The following EYS variants were observed in gnomAD, a reference collection of about 807,000 sequenced individuals.
The protein encoded by EYS is EGF-like photoreceptor maintenance factor, also known as protein eyes shut homolog.
EYS carries 250 observed loss-of-function variants against 282.1 expected under a neutral mutation model. That is an observed-to-expected ratio of 0.89 (90% CI 0.80 to 0.98). The LOEUF is 0.98. Ranked by LOEUF, EYS falls within the 50% of genes least tolerant of loss-of-function variation. The pLI is 0.00. For synonymous variants in EYS, 1,355 were observed against 1,282.9 expected, an observed-to-expected ratio of 1.06 and a Z score of -1.20; for missense variants, 4,016 against 3,709.0, an observed-to-expected ratio of 1.08 and a Z score of -2.15.
intron 34 of EYS, among the ~76,000 whole-genome samples, chr6:63,985,924 T>A (rs1468572810): frequency 4.0e-5 from 6 of 151,780 alleles, no homozygotes; most frequent in Non-Finnish European, 7.4e-5. Flanking sequence ...AATTGACTAG[T>A]GGGATCTAAT....
intron 32 of EYS, among the ~76,000 whole-genome samples, chr6:64,070,827 C>A (rs757372870): frequency 6.6e-6 from 1 of 152,098 alleles, no homozygotes; most frequent in Admixed American, 6.6e-5. Context: ...AATACAATGA[C>A]CGCTAGTACG....
chr6:64,775,103 G>T (rs967049835), intron 22 of EYS, among the ~76,000 whole-genome samples: 1 of 151,898 alleles, frequency 6.6e-6, no homozygotes, highest in African/African-American at 2.4e-5. Context: ...ACAGCAGGAG[G>T]GGGTAACTGC....
At chr6:63,827,747 G>A (rs572498621) in intron 36 of EYS, among the ~76,000 whole-genome samples, 1 of 151,428 alleles carries the variant, frequency 6.6e-6, no homozygotes, top group East Asian at 2.0e-4. Context: ...GGGAGGCTGA[G>A]GCAGGAGAAT....
At chr6:63,976,015 C>T (rs981809479) in intron 35 of EYS, among the ~76,000 whole-genome samples, 1 of 151,970 alleles carries the variant, frequency 6.6e-6, no homozygotes, top group Non-Finnish European at 1.5e-5. Context: ...AGTACCAAAG[C>T]ATGTTCTGAA....
At chr6:64,788,277 T>C (rs931879826) in intron 22 of EYS, among the ~76,000 whole-genome samples, 1 of 152,090 alleles carries the variant, frequency 6.6e-6, no homozygotes, top group Non-Finnish European at 1.5e-5. Context: ...TTTCTTTCCC[T>C]GAGGTGGGGG....
At chr6:64,758,100 A>G (rs560765449) in intron 22 of EYS, among the ~76,000 whole-genome samples, 1 of 151,852 alleles carries the variant, frequency 6.6e-6, no homozygotes, top group Non-Finnish European at 1.5e-5. Context: ...TAACACGTCA[A>G]ACACAGACAT....
At chr6:65,314,261 T>C (rs1270718371) in intron 11 of EYS, among the ~76,000 whole-genome samples, 2 of 150,432 alleles carry the variant, frequency 1.3e-5, no homozygotes, top group African/African-American at 2.5e-5. Context: ...ATCCTTGTTT[T>C]GATTTTTCTC....
intron 35 of EYS, among the ~76,000 whole-genome samples, chr6:63,983,251 T>C (rs1478097450): frequency 3.3e-5 from 5 of 151,824 alleles, no homozygotes; most frequent in Non-Finnish European, 7.4e-5. Flanking sequence ...GTAAGTCAGA[T>C]ACTTACACAG....
At chr6:63,751,296 T>C (rs1282372748) in intron 41 of EYS, among the ~76,000 whole-genome samples, 1 of 152,230 alleles carries the variant, frequency 6.6e-6, no homozygotes, top group Admixed American at 6.5e-5. Flanking sequence ...TAAAATACTT[T>C]CATTTCATTT....
intron 2 of EYS, among the ~76,000 whole-genome samples, chr6:65,539,959 C>T (rs1451494040): frequency 6.6e-6 from 1 of 152,170 alleles, no homozygotes; most frequent in Non-Finnish European, 1.5e-5. Flanking sequence ...CACTATAGCA[C>T]GCAGCCATCT....
In EYS at chr6:64,638,284, C is replaced by T. The variant is rs1023250842; in HGVS notation, c.3444-12039G>A. Among the ~76,000 whole-genome samples, 6 of 91,578 alleles carry T rather than the reference C, an allele frequency of 6.6e-5. 2 individuals are homozygous for T. The highest frequency in any genetic ancestry group is 1.4e-4 in the Non-Finnish European group (6 of 42,244). The allele number at this position is 91,578 out of a possible 152,430, so 60.1% of individuals were successfully genotyped here. ...AAACTTTAAACAGAACTAGCTTATTCCTGAAAGTGTTTAGTTATAGGTAGA... is the reference window on the plus strand; with the variant it reads ...AAACTTTAAACAGAACTAGCTTATTTCTGAAAGTGTTTAGTTATAGGTAGA... On this transcript the variant is annotated intron_variant, in intron 22 of 42. Transcript: ENST00000503581.
rs1376393503 is a variant in EYS at position 65,442,854 on chromosome 6, A to G, written c.863-37487T>C. Among the ~76,000 whole-genome samples the G allele has an allele frequency of 1.3e-5, 2 of 151,496 alleles. 1 individual carries two copies. Among genetic ancestry groups the G allele is most frequent in the Non-Finnish European group, 2.9e-5 (2 of 67,818 alleles). On this transcript the variant is annotated intron_variant, in intron 5 of 42. Transcript: ENST00000503581. ...TATATACATACATATACACATACATATGTACATATATACATACATATACAC... is the reference window on the plus strand; with the variant it reads ...TATATACATACATATACACATACATGTGTACATATATACATACATATACAC...
chr6:65,657,505 G>A (rs749675459), intron 1 of EYS, among the ~76,000 whole-genome samples: 6 of 151,888 alleles, frequency 4.0e-5, no homozygotes, highest in Non-Finnish European at 8.8e-5. Context: ...GGGAGTAACT[G>A]CAGATGTGGT....
chr6:64,554,456 A>G (rs1765181153), intron 26 of EYS, among the ~76,000 whole-genome samples: 1 of 152,092 alleles, frequency 6.6e-6, no homozygotes, highest in African/African-American at 2.4e-5. Flanking sequence ...AATAACAATG[A>G]CAAATTAGAT....
At chr6:65,451,421 G>C (rs1435925455) in intron 5 of EYS, among the ~76,000 whole-genome samples, 1 of 152,014 alleles carries the variant, frequency 6.6e-6, no homozygotes, top group Non-Finnish European at 1.5e-5. Context: ...TGACACTCTA[G>C]TAACGACTCA....
At chr6:63,738,839 A>G (rs1034445670) in intron 41 of EYS, among the ~76,000 whole-genome samples, 3 of 152,178 alleles carry the variant, frequency 2.0e-5, no homozygotes, top group Admixed American at 6.5e-5. Flanking sequence ...CAAAAATTAT[A>G]TCCATATCCT....
chr6:64,734,689 A>G (rs1401838601), intron 22 of EYS, among the ~76,000 whole-genome samples: 3 of 152,168 alleles, frequency 2.0e-5, no homozygotes, highest in Non-Finnish European at 4.4e-5. Context: ...AAACTACACT[A>G]GAAAGTGTGT....
intron 2 of EYS, among the ~76,000 whole-genome samples, chr6:65,614,766 T>C (rs1390647001): frequency 6.6e-6 from 1 of 152,162 alleles, no homozygotes. Flanking sequence ...AGAGGCAAAA[T>C]GGTTAATGAA....
At chr6:64,478,494 A>G (rs1270726174) in intron 26 of EYS, among the ~76,000 whole-genome samples, 1 of 151,484 alleles carries the variant, frequency 6.6e-6, no homozygotes, top group Non-Finnish European at 1.5e-5. Flanking sequence ...AGTATTTGTC[A>G]TAATTTTTTC....
Sources: allele counts gnomAD v4.1 joint callset (sites outside exome capture counted in the v4.1 genomes callset), GRCh38; gene constraint gnomAD v4.1.1; transcripts MANE v1.5; gene names NCBI Gene and HGNC (gene_info 2026-07-23, HGNC 2026-07-21).